Variants in CLCN5 observed in about 807,000 individuals in gnomAD.
CLCN5 encodes the protein Cl-/H+ antiporter 5.
In CLCN5, 17 loss-of-function variants were observed where a neutral mutation model predicts 54.0. That is an observed-to-expected ratio of 0.31 (90% CI 0.22 to 0.47). The LOEUF (loss-of-function observed/expected upper bound fraction) is 0.47, where lower values mean the gene tolerates loss of function less well. Among genes scored for constraint, CLCN5 ranks in the 20% least tolerant of loss-of-function variants. CLCN5 has a pLI of 1.00. For missense variants in CLCN5, 448 were observed against 646.7 expected, an observed-to-expected ratio of 0.69 and a Z score of 3.33; for synonymous variants, 222 against 233.0, an observed-to-expected ratio of 0.95 and a Z score of 0.43.
intron 3 of CLCN5, among the ~76,000 whole-genome samples, chrX:50,029,326 C>T (rs1461074542): frequency 1.0e-5 from 1 of 98,042 alleles, no homozygotes; most frequent in East Asian, 3.2e-4. Context: ...CAACAGTCCA[C>T]GGTGTGTGAT....
At chrX:49,931,625 T>C (rs1475076877) in intron 3 of CLCN5, among the ~76,000 whole-genome samples, 2 of 111,319 alleles carry the variant, frequency 1.8e-5, no homozygotes, top group African/African-American at 6.5e-5. Flanking sequence ...TGTGGTGGCT[T>C]ACACCTGTAA....
At chrX:50,048,869 T>C (rs782077549) in intron 4 of CLCN5, among the ~76,000 whole-genome samples, 8 of 111,487 alleles carry the variant, frequency 7.2e-5, no homozygotes, top group African/African-American at 2.3e-4. Context: ...TGTTAGCCAA[T>C]GCAGTAAGGA....
intron 4 of CLCN5, among the ~76,000 whole-genome samples, chrX:50,054,156 G>A (rs1932672931): frequency 9.0e-6 from 1 of 110,964 alleles, no homozygotes; most frequent in Non-Finnish European, 1.9e-5. Context: ...TTGTGGCTGT[G>A]ACCTTCATAC....
chrX:50,059,652 C>G (rs192261683), intron 4 of CLCN5, among the ~76,000 whole-genome samples: 25 of 110,648 alleles, frequency 2.3e-4, no homozygotes, highest in Admixed American at 2.1e-3. Flanking sequence ...ATGTCAAACT[C>G]TGATACTGGT....
intron 3 of CLCN5, among the ~76,000 whole-genome samples, chrX:49,976,624 T>A (rs1928497363): frequency 8.9e-6 from 1 of 112,382 alleles, no homozygotes; most frequent in African/African-American, 3.2e-5. Context: ...CTATTTAATG[T>A]CAGGCATGTG....
intron 3 of CLCN5, among the ~76,000 whole-genome samples, chrX:50,006,095 A>T (rs902366374): frequency 8.9e-6 from 1 of 112,271 alleles, no homozygotes; most frequent in Admixed American, 9.4e-5. Context: ...AGAAACTGGG[A>T]GACCAGTTAG....
intron 4 of CLCN5, among the ~76,000 whole-genome samples, chrX:50,055,665 A>G (rs1557188851): frequency 8.9e-6 from 1 of 111,799 alleles, no homozygotes; most frequent in African/African-American, 3.2e-5. Flanking sequence ...ATGTCTCACT[A>G]TAAAAGATTC....
rs369947345 is a variant in CLCN5 at position 49,924,242 on chromosome X, T to C, written c.-129+760T>C. On this transcript the variant is annotated intron_variant, in intron 2 of 14. Transcript: ENST00000376091. ...TGGCTCACTGCAACCTCCGCCTCCC[T>C]CCCGGGTTCAAGCGATTCTCCTGCC... Among the ~76,000 whole-genome samples the C allele has an allele frequency of 2.6e-4, 27 of 103,366 alleles. No individual in the cohort carries two copies. The East Asian group carries it at 6.8e-3, about 26-fold the overall frequency. The allele number at this position is 103,366 out of a possible 115,157, so 89.8% of individuals were successfully genotyped here.
intron 7 of CLCN5, among the ~76,000 whole-genome samples, chrX:50,077,769 A>G (rs1933489221): frequency 1.2e-5 from 1 of 82,685 alleles, no homozygotes; most frequent in South Asian, 9.4e-4. Context: ...TGAGGTCAAG[A>G]GTTTGAAAGC....
At position 50,086,587 on chromosome X, in the gene CLCN5, A is replaced by G. The variant is rs782435783; in HGVS notation, c.1274A>G (p.Tyr425Cys). 8.3e-7 allele frequency: 1 copy of G among 1,208,661 alleles called. No individual in the cohort carries two copies. Among genetic ancestry groups the G allele is most frequent in the Non-Finnish European group, 1.1e-6 (1 of 894,956 alleles). Residue 425 changes from tyrosine to cysteine, a missense_variant, in exon 11 of 15, where the codon TAT (tyrosine) becomes TGT (cysteine). Coordinates refer to ENST00000376091, the MANE Select transcript of CLCN5 (RefSeq NM_001127898.4). The part of the protein sequence containing the change: ...RKRKTTQLGK[Y>C]PVIEVLVVTA... ...CGAAAGACCACCCAGTTGGGCAAGT[A>G]TCCTGTTATAGAGGTACTCGTCGTG... is the stretch of plus-strand genomic sequence containing the variant.
chrX:50,084,501 A>G (rs1420673688), intron 9 of CLCN5, among the ~76,000 whole-genome samples: 1 of 108,041 alleles, frequency 9.3e-6, no homozygotes, highest in Non-Finnish European at 1.9e-5. Flanking sequence ...CCCACCTCAG[A>G]CTCCCCAGTA....
In CLCN5 at chrX:50,048,129, G is replaced by C. The variant is rs571923752; in HGVS notation, c.163+5667G>C. Among the ~76,000 whole-genome samples the C allele has an allele frequency of 3.3e-4, 37 of 112,143 alleles. 1 individual carries two copies. In the South Asian group the frequency reaches 0.014, roughly 42 times the overall value. On this transcript the variant is annotated intron_variant, in intron 4 of 14. Coordinates refer to ENST00000376091, the MANE Select transcript of CLCN5 (RefSeq NM_001127898.4). ...GTGAGGATGGTTTTGAGATGAAACTGTTCCACCTCAGATCATCAGGCATTA... is the reference window on the plus strand; with the variant it reads ...GTGAGGATGGTTTTGAGATGAAACTCTTCCACCTCAGATCATCAGGCATTA...
intron 3 of CLCN5, among the ~76,000 whole-genome samples, chrX:49,971,475 T>C (rs782233498): frequency 5.5e-5 from 6 of 110,055 alleles, no homozygotes; most frequent in Non-Finnish European, 9.5e-5. Flanking sequence ...TTTTCACCAT[T>C]AATTATTATG....
At chrX:50,018,258 A>G (rs916769078) in intron 3 of CLCN5, among the ~76,000 whole-genome samples, 2 of 111,801 alleles carry the variant, frequency 1.8e-5, no homozygotes, top group African/African-American at 6.5e-5. Context: ...TGATTTTTCA[A>G]ATTCCAGTTT....
chrX:49,957,406 A>G (rs1238314322), intron 3 of CLCN5, among the ~76,000 whole-genome samples: 1 of 112,500 alleles, frequency 8.9e-6, no homozygotes, highest in Non-Finnish European at 1.9e-5. Flanking sequence ...ATGAAGTCCC[A>G]TTAAACTGTT....
At chrX:50,047,562 CT>C (rs1354299481) in intron 4 of CLCN5, among the ~76,000 whole-genome samples, 6 of 109,940 alleles carry the variant, frequency 5.5e-5, no homozygotes, top group African/African-American at 1.7e-4. Flanking sequence ...CCCCCACTTA[CT>C]TTTTTTTTAA....
chrX:50,080,901 G>T (rs1275086718), intron 8 of CLCN5, among the ~76,000 whole-genome samples, 185 bp downstream of exon 8: 2 of 111,372 alleles, frequency 1.8e-5, no homozygotes, highest in Non-Finnish European at 3.8e-5. Flanking sequence ...GAAATTAAAG[G>T]GAGTTGATTC....
At chrX:50,088,911 G>A (rs782137129) in intron 12 of CLCN5, 27 bp downstream of exon 12, 22 of 1,176,956 alleles carry the variant, frequency 1.9e-5, no homozygotes, top group Non-Finnish European at 2.4e-5. Context: ...TTAATTTCAA[G>A]TTGCTACCCA....
chrX:50,034,767 C>T (rs1373179237), intron 3 of CLCN5, among the ~76,000 whole-genome samples: 1 of 111,112 alleles, frequency 9.0e-6, no homozygotes, highest in Non-Finnish European at 1.9e-5. Context: ...CCACCAAGGG[C>T]CCTTGCCTTG....
Sources: allele counts gnomAD v4.1 joint callset (sites outside exome capture counted in the v4.1 genomes callset), GRCh38; gene constraint gnomAD v4.1.1; transcripts MANE v1.5; gene names NCBI Gene and HGNC (gene_info 2026-07-23, HGNC 2026-07-21).